Variants in UNC79 observed in about 807,000 individuals in gnomAD.
UNC79 encodes the protein unc-79 subunit of NALCN channel complex.
UNC79 carries 37 observed loss-of-function variants against 283.1 expected under a neutral mutation model. The observed-to-expected ratio is 0.13, with a 90% CI of 0.10 to 0.17. The LOEUF is 0.17. UNC79 is among the 10% of genes least tolerant of loss of function. UNC79 has a pLI of 1.00. For missense variants in UNC79, 2,272 were observed against 3,211.1 expected, an observed-to-expected ratio of 0.71 and a Z score of 7.07; for synonymous variants, 1,107 against 1,200.2, an observed-to-expected ratio of 0.92 and a Z score of 1.61.
intron 41 of UNC79, among the ~76,000 whole-genome samples, chr14:93,679,950 A>T (rs1452713060): frequency 6.6e-6 from 1 of 152,202 alleles, no homozygotes; most frequent in East Asian, 1.9e-4. Flanking sequence ...GTTGGCAGCC[A>T]TAGAAAACAA....
intron 1 of UNC79, among the ~76,000 whole-genome samples, chr14:93,442,864 G>A (rs887025676): frequency 2.0e-5 from 3 of 151,968 alleles, no homozygotes; most frequent in Admixed American, 6.6e-5. Flanking sequence ...CAAAGTGGGC[G>A]GATCACTTTA....
At chr14:93,675,021 G>A (rs865978684) in intron 41 of UNC79, among the ~76,000 whole-genome samples, 1 of 152,206 alleles carries the variant, frequency 6.6e-6, no homozygotes, top group African/African-American at 2.4e-5. Flanking sequence ...CTTCTGGCCT[G>A]TGGCTGCCTA....
At chr14:93,478,593 T>C (rs11621142) in intron 4 of UNC79, among the ~76,000 whole-genome samples, 151,990 of 152,310 alleles carry the variant, frequency 1, 75,840 homozygotes, top group Middle Eastern at 1. Flanking sequence ...TGTTTCTTTC[T>C]TATAAAATAA....
At chr14:93,661,091 C>G (rs182211065) in intron 39 of UNC79, among the ~76,000 whole-genome samples, 5 of 152,210 alleles carry the variant, frequency 3.3e-5, no homozygotes, top group Admixed American at 2.6e-4. Context: ...AAAAGAACCT[C>G]AAATACGCTC....
At chr14:93,643,770 A>T in intron 34 of UNC79, 73 bp downstream of exon 37, 1 of 1,559,834 alleles carries the variant, frequency 6.4e-7, no homozygotes. Flanking sequence ...AAAAACTACC[A>T]GTTCAAAAGT....
chr14:93,476,944 C>T (rs1460812712), intron 3 of UNC79, among the ~76,000 whole-genome samples: 1 of 152,140 alleles, frequency 6.6e-6, no homozygotes, highest in Non-Finnish European at 1.5e-5. Flanking sequence ...CCTAACAATC[C>T]TTCTAATGAA....
rs1438067337 is a variant in UNC79, at chr14:93,532,704, G to A, written c.1122+126G>A. On this transcript the variant is annotated intron_variant, in intron 11 of 48. Coordinates refer to ENST00000555664, the Ensembl canonical transcript of UNC79. ...ATATGCATGCCATTGTATTTGTGGA[G>A]GGGTAAAGGAAATAATTTAGCATGC... The A allele has an allele frequency of 2.7e-6, 3 of 1,119,028 alleles. No homozygotes were observed. The East Asian group carries it at 7.6e-5, about 28-fold the overall frequency. 69.3% of individuals were successfully genotyped at this position (1,119,028 alleles called of 1,614,324 possible). A position where few individuals can be genotyped will look rare whatever the true frequency, so the allele number is the denominator to read the frequency against.
At chr14:93,335,519 G>C (rs2053559619) in intron 1 of UNC79, among the ~76,000 whole-genome samples, 1 of 152,194 alleles carries the variant, frequency 6.6e-6, no homozygotes, top group African/African-American at 2.4e-5. Context: ...CTAAGTAGTG[G>C]TTAACAGCAT....
intron 14 of UNC79, among the ~76,000 whole-genome samples, chr14:93,556,978 G>A (rs117758759): frequency 0.014 from 2,112 of 152,304 alleles, 22 homozygotes; most frequent in Middle Eastern, 0.034. Context: ...CCCCAAGAGA[G>A]GGTTCTTGGA....
At chr14:93,582,138 T>G (rs1038107046) in intron 19 of UNC79, 65 bp from the exon 20 acceptor site, 5 of 1,611,932 alleles carry the variant, frequency 3.1e-6, no homozygotes, top group Non-Finnish European at 4.2e-6. Context: ...TTTGCTGAGC[T>G]GAGCAAACCG....
intron 1 of UNC79, among the ~76,000 whole-genome samples, chr14:93,446,764 A>G (rs2056472814): frequency 6.6e-6 from 1 of 152,084 alleles, no homozygotes; most frequent in African/African-American, 2.4e-5. Flanking sequence ...TTCTAACTTA[A>G]TTCTATTTTT....
intron 39 of UNC79, among the ~76,000 whole-genome samples, chr14:93,661,794 C>T (rs1358232811): frequency 2.0e-5 from 3 of 152,066 alleles, no homozygotes; most frequent in African/African-American, 2.4e-5. Flanking sequence ...CCATTATTAT[C>T]CCCCTTTTAC....
intron 1 of UNC79, among the ~76,000 whole-genome samples, chr14:93,342,036 C>T (rs765370796): frequency 2.6e-5 from 4 of 152,104 alleles, no homozygotes; most frequent in Admixed American, 6.5e-5. Context: ...TTCTGAGTTC[C>T]GGAGGATGGT....
exon 7 of UNC79, chr14:93,497,186 T>C: frequency 6.2e-7 from 1 of 1,613,488 alleles, no homozygotes; most frequent in Non-Finnish European, 8.5e-7. Flanking sequence ...CGTATGGGCC[T>C]TCACAAGTGA....
chr14:93,664,215 G>A (rs1393862603), intron 40 of UNC79, among the ~76,000 whole-genome samples: 1 of 152,088 alleles, frequency 6.6e-6, no homozygotes, highest in Non-Finnish European at 1.5e-5. Flanking sequence ...ATAATCAAAA[G>A]AAAAGGCATA....
rs774552549 is a variant in UNC79 at position 93,655,218 on chromosome 14, G to A, written c.6283-16G>A. 1 of 1,612,978 alleles carries A rather than the reference G, an allele frequency of 6.2e-7. No individual in the cohort carries two copies. The highest frequency in any genetic ancestry group is 1.7e-5 in the Admixed American group (1 of 59,922). ...GCTGTTTCAGCAGTTGATGGCCTAT[G>A]CTTTTGTGTTTTTAGGGTCTAAATA... On this transcript the variant is annotated splice_polypyrimidine_tract_variant and intron_variant, in intron 37 of 48. Transcript: ENST00000555664.
At chr14:93,447,059 T>A (rs1180318404) in intron 1 of UNC79, among the ~76,000 whole-genome samples, 1 of 152,238 alleles carries the variant, frequency 6.6e-6, no homozygotes, top group Non-Finnish European at 1.5e-5. Flanking sequence ...GCTCTGTTAC[T>A]GGGTTCATAT....
chr14:93,467,447 GC>G (rs34730640), intron 1 of UNC79, among the ~76,000 whole-genome samples: 46,446 of 151,116 alleles, frequency 0.31, 7,484 homozygotes, highest in East Asian at 0.65. Context: ...AATTTTGTGT[GC>G]CGAATACAAT....
intron 14 of UNC79, among the ~76,000 whole-genome samples, chr14:93,553,702 T>C (rs1028647217): frequency 6.6e-6 from 1 of 152,206 alleles, no homozygotes; most frequent in Non-Finnish European, 1.5e-5. Context: ...CATATAACTA[T>C]GGAATACATA....
Sources: gnomAD v4.1 joint callset for allele counts (sites outside exome capture counted in the v4.1 genomes callset) on GRCh38, gnomAD v4.1.1 for gene constraint, MANE v1.5 for transcripts, NCBI Gene and HGNC (gene_info 2026-07-23, HGNC 2026-07-21) for gene names.